PVT1: variants seen among roughly 807,000 people sequenced by gnomAD.
The protein encoded by PVT1 is CXCR4/PVT1 fusion.
At chr8:127,841,230 C>G (rs1814969966) in intron 2 of PVT1, among the ~76,000 whole-genome samples, 1 of 152,178 alleles carries the variant, frequency 6.6e-6, no homozygotes, top group African/African-American at 2.4e-5. Context: ...TCTTGTTGGC[C>G]TGAAGGAAGG....
At chr8:128,059,831 G>T (rs1199040470) in intron 4 of PVT1, among the ~76,000 whole-genome samples, 2 of 152,236 alleles carry the variant, frequency 1.3e-5, no homozygotes, top group Admixed American at 6.5e-5. Context: ...CAGCATGGAA[G>T]TGGTAGAGTT....
intron 3 of PVT1, among the ~76,000 whole-genome samples, chr8:127,977,209 C>T (rs1050239978): frequency 6.6e-6 from 1 of 152,140 alleles, no homozygotes; most frequent in Non-Finnish European, 1.5e-5. Flanking sequence ...CCAGGTATCA[C>T]CCTCAGAAAT....
At chr8:127,945,250 A>C (rs1816406128) in intron 3 of PVT1, among the ~76,000 whole-genome samples, 1 of 151,916 alleles carries the variant, frequency 6.6e-6, no homozygotes, top group African/African-American at 2.4e-5. Context: ...GAACATCCGC[A>C]CATGCTTTCT....
intron 3 of PVT1, among the ~76,000 whole-genome samples, chr8:127,969,276 T>A (rs747618417): frequency 1.3e-5 from 2 of 152,184 alleles, no homozygotes; most frequent in Non-Finnish European, 2.9e-5. Context: ...AATCCAAGCC[T>A]CCAACCCATA....
At chr8:128,001,127 C>G (rs1817172175) in intron 4 of PVT1, among the ~76,000 whole-genome samples, 1 of 152,218 alleles carries the variant, frequency 6.6e-6, no homozygotes, top group Non-Finnish European at 1.5e-5. Flanking sequence ...GCCCCCCACC[C>G]CACCGCCTAC....
chr8:127,926,420 A>G lies in PVT1; in HGVS notation n.782+35422A>G, dbSNP rs182006988. 9.8e-5 allele frequency among the ~76,000 whole-genome samples: 15 copies of G among 152,296 alleles called. No homozygotes were observed. The East Asian group carries it at 2.5e-3, about 25-fold the overall frequency. On this transcript the variant is annotated intron_variant and non_coding_transcript_variant, in intron 3 of 10. Transcript: ENST00000651587. ...GTCCACTGCTGCTAATGTCCACAGC[A>G]CCACTTCTCTGGAGATTAGCCTTCC...
At chr8:127,839,701 G>A (rs1015728461) in intron 2 of PVT1, among the ~76,000 whole-genome samples, 5 of 152,136 alleles carry the variant, frequency 3.3e-5, no homozygotes, top group African/African-American at 1.2e-4. Context: ...ATCAGTCAGG[G>A]TCTAATGGCT....
intron 3 of PVT1, among the ~76,000 whole-genome samples, chr8:127,985,468 A>G (rs936991537): frequency 5.3e-5 from 8 of 150,020 alleles, no homozygotes; most frequent in African/African-American, 2.0e-4. Context: ...CGATTTACAG[A>G]TGAAGACCAG....
intron 3 of PVT1, among the ~76,000 whole-genome samples, chr8:127,985,010 C>T (rs1180033809): frequency 7.3e-6 from 1 of 137,352 alleles, no homozygotes; most frequent in African/African-American, 2.8e-5. Context: ...TCCTTCCTTC[C>T]TTCCTTCCTT....
intron 5 of PVT1, among the ~76,000 whole-genome samples, chr8:128,076,843 C>T (rs1246256976): frequency 1.3e-5 from 2 of 152,216 alleles, no homozygotes; most frequent in Admixed American, 6.5e-5. Context: ...GGAGAATTTG[C>T]AGCTGTCCTG....
At chr8:128,088,673 C>T (rs1306019825) in intron 5 of PVT1, among the ~76,000 whole-genome samples, 1 of 152,186 alleles carries the variant, frequency 6.6e-6, no homozygotes, top group Non-Finnish European at 1.5e-5. Flanking sequence ...TGCATGTGCA[C>T]CTGAAAAGAA....
chr8:127,989,805 T>C (rs1817010593), intron 4 of PVT1, among the ~76,000 whole-genome samples: 1 of 152,084 alleles, frequency 6.6e-6, no homozygotes, highest in Non-Finnish European at 1.5e-5. Context: ...TAAGACTGAG[T>C]GCTTCAGGTA....
chr8:127,947,521 G>C, intron 3 of PVT1: 1 of 360,854 alleles, frequency 2.8e-6, no homozygotes, highest in Non-Finnish European at 5.4e-6. Flanking sequence ...AGCCTGTAGG[G>C]ATTTACAAGG....
At chr8:128,041,501 G>A (rs56813647) in intron 4 of PVT1, among the ~76,000 whole-genome samples, 8,639 of 73,990 alleles carry the variant, frequency 0.12, 725 homozygotes, top group African/African-American at 0.3. Context: ...TGTTTGGTAT[G>A]TGTGTGTGTG....
intron 3 of PVT1, among the ~76,000 whole-genome samples, chr8:127,935,213 G>A (rs558252717): frequency 2.0e-5 from 3 of 152,086 alleles, no homozygotes; most frequent in East Asian, 1.9e-4. Flanking sequence ...TGATCTGCCC[G>A]CCTCGGCCTC....
At position 127,849,478 on chromosome 8, in the gene PVT1, A is replaced by G. The variant is rs926659131; in HGVS notation, n.373-41111A>G. 3.3e-5 allele frequency among the ~76,000 whole-genome samples: 5 copies of G among 152,208 alleles called. 1 individual carries two copies. The highest frequency in any genetic ancestry group is 2.4e-5 in the African/African-American group (1 of 41,462). ...TTCAATCAGATAAAGGTAGGATCCT[A>G]TGAAAAACTCCTAGGGCCTTGCCGT... On this transcript the variant is annotated intron_variant and non_coding_transcript_variant, in intron 2 of 10. Coordinates refer to ENST00000651587, the Ensembl canonical transcript of PVT1.
rs73707137 is a variant in PVT1 at position 127,922,392 on chromosome 8, T to C, written n.782+31394T>C. On this transcript the variant is annotated intron_variant and non_coding_transcript_variant, in intron 3 of 10. Transcript: ENST00000651587. ...GATGAAGCTTGATTTTTCAAGATGC[T>C]GCAACCCCTCTCCCCCATATGCTAC... is the stretch of plus-strand genomic sequence containing the variant. 3.1e-3 allele frequency among the ~76,000 whole-genome samples: 468 copies of C among 150,882 alleles called. 2 individuals are homozygous for C. The highest frequency in any genetic ancestry group is 0.011 in the African/African-American group (449 of 41,028).
In PVT1 at chr8:128,053,791, G is replaced by A. The variant is rs529430898; in HGVS notation, n.913-16369G>A. On this transcript the variant is annotated intron_variant and non_coding_transcript_variant, in intron 4 of 10. Coordinates refer to ENST00000651587, the Ensembl canonical transcript of PVT1. Reference sequence around the variant, plus strand: ...TCAGCATCTGTCAGCAGGTACAGCTGCACCAGCACAGTGGACTGGCTGAGC... The same window carrying A: ...TCAGCATCTGTCAGCAGGTACAGCTACACCAGCACAGTGGACTGGCTGAGC... Among the ~76,000 whole-genome samples, 4 of 152,332 alleles carry A rather than the reference G, an allele frequency of 2.6e-5. No individual in the cohort carries two copies. The East Asian group carries it at 7.7e-4, about 29-fold the overall frequency.
At chr8:127,868,286 A>G (rs1370481388) in intron 2 of PVT1, among the ~76,000 whole-genome samples, 2 of 152,172 alleles carry the variant, frequency 1.3e-5, no homozygotes, top group East Asian at 3.9e-4. Flanking sequence ...GGAATTTAAA[A>G]CATGAGTTCC....
Sources: allele counts gnomAD v4.1 joint callset (sites outside exome capture counted in the v4.1 genomes callset), GRCh38; gene constraint gnomAD v4.1.1; transcripts MANE v1.5; gene names NCBI Gene and HGNC (gene_info 2026-07-23, HGNC 2026-07-21).